Variants in DOCK4 observed in about 807,000 individuals in gnomAD.
The protein encoded by DOCK4 is dedicator of cytokinesis protein 4.
In DOCK4, 97 loss-of-function variants were observed where a neutral mutation model predicts 268.1. The ratio of observed to expected loss-of-function variants is 0.36; its 90% confidence interval spans 0.31 to 0.43. The LOEUF is 0.43. Ranked by LOEUF, DOCK4 falls within the 20% of genes least tolerant of loss-of-function variation. The pLI is 1.00. For missense variants in DOCK4, 2,145 were observed against 2,455.7 expected (o/e 0.87, Z 2.67); for synonymous variants, 954 against 887.2 (o/e 1.08, Z -1.34).
At chr7:111,939,076 G>A (rs1361290681) in intron 11 of DOCK4, among the ~76,000 whole-genome samples, 3 of 151,884 alleles carry the variant, frequency 2.0e-5, no homozygotes, top group Non-Finnish European at 2.9e-5. Flanking sequence ...GCGTCTACAA[G>A]CCATGGATCC....
chr7:111,894,514 G>A (rs1808576704), intron 16 of DOCK4, among the ~76,000 whole-genome samples: 1 of 152,162 alleles, frequency 6.6e-6, no homozygotes, highest in African/African-American at 2.4e-5. Flanking sequence ...CAACTGGCCA[G>A]CTGAGAATAT....
At chr7:111,999,199 C>G (rs1441159323) in intron 3 of DOCK4, among the ~76,000 whole-genome samples, 1 of 152,058 alleles carries the variant, frequency 6.6e-6, no homozygotes, top group Non-Finnish European at 1.5e-5. Context: ...GGCAATTATC[C>G]TCTGAAGAAT....
chr7:111,847,305 A>G (rs1236588029), intron 23 of DOCK4, among the ~76,000 whole-genome samples, 179 bp from the exon 24 acceptor site: 7 of 152,226 alleles, frequency 4.6e-5, no homozygotes, highest in Non-Finnish European at 8.8e-5. Flanking sequence ...CTAATGCACA[A>G]TTCCTACCTC....
chr7:112,194,709 T>C (rs2116825936), intron 1 of DOCK4, among the ~76,000 whole-genome samples: 1 of 152,340 alleles, frequency 6.6e-6, no homozygotes, highest in Admixed American at 6.5e-5. Context: ...AAGAAATTAC[T>C]AGAAAGTATG....
At chr7:111,919,249 G>C (rs1211139231) in intron 12 of DOCK4, among the ~76,000 whole-genome samples, 1 of 152,142 alleles carries the variant, frequency 6.6e-6, no homozygotes, top group Non-Finnish European at 1.5e-5. Flanking sequence ...GAAAATTAAA[G>C]AAGATAGGAA....
At chr7:111,732,349 C>G (rs1458932891) in intron 51 of DOCK4, 62 bp from the exon 52 acceptor site, 4 of 1,558,224 alleles carry the variant, frequency 2.6e-6, no homozygotes, top group Non-Finnish European at 3.5e-6. Context: ...ACTATCTGCA[C>G]ATGCCCTCTG....
intron 8 of DOCK4, among the ~76,000 whole-genome samples, chr7:111,955,635 C>G (rs2134925075): frequency 6.6e-6 from 1 of 152,242 alleles, no homozygotes; most frequent in South Asian, 2.1e-4. Context: ...AAACAAATAT[C>G]TCTGTTTTTA....
intron 5 of DOCK4, among the ~76,000 whole-genome samples, chr7:111,992,522 A>G (rs1046387019): frequency 3.4e-4 from 52 of 152,234 alleles, no homozygotes; most frequent in Non-Finnish European, 6.3e-4. Context: ...AAACATTTAG[A>G]TAATTTTCTC....
chr7:111,916,231 T>C (rs1303622303), intron 12 of DOCK4, among the ~76,000 whole-genome samples: 1 of 151,986 alleles, frequency 6.6e-6, no homozygotes, highest in East Asian at 1.9e-4. Context: ...ATTCCAGAAG[T>C]AGATGAAGGT....
chr7:111,874,256 C>T (rs999020508), intron 17 of DOCK4, among the ~76,000 whole-genome samples: 2 of 152,128 alleles, frequency 1.3e-5, no homozygotes, highest in Non-Finnish European at 2.9e-5. Flanking sequence ...TCTTTCCCTT[C>T]CTTTAAAGTG....
chr7:111,986,208 C>A (rs1799042117), intron 6 of DOCK4, among the ~76,000 whole-genome samples: 1 of 152,146 alleles, frequency 6.6e-6, no homozygotes, highest in Admixed American at 6.5e-5. Context: ...CAATAAGATT[C>A]CTTCCTTGAG....
intron 31 of DOCK4, among the ~76,000 whole-genome samples, chr7:111,790,095 T>A (rs1012267923): frequency 6.6e-6 from 1 of 152,112 alleles, no homozygotes; most frequent in Non-Finnish European, 1.5e-5. Context: ...ATTTGCCAAA[T>A]ACAATGTGCA....
intron 1 of DOCK4, among the ~76,000 whole-genome samples, chr7:112,165,237 T>C (rs1817484737): frequency 6.6e-6 from 1 of 152,146 alleles, no homozygotes; most frequent in Non-Finnish European, 1.5e-5. Flanking sequence ...TACTCTGCTA[T>C]CAAACACTGA....
chr7:112,025,005 CAAGTT>C (rs1289304028), intron 1 of DOCK4, among the ~76,000 whole-genome samples: 6 of 152,070 alleles, frequency 3.9e-5, no homozygotes, highest in African/African-American at 1.4e-4. Flanking sequence ...ACCAAATTCC[CAAGTT>C]AAGAAAGTTA....
chr7:111,728,779 C>G (rs192948224), intron 52 of DOCK4, 59 bp from the exon 53 acceptor site: 3 of 1,491,004 alleles, frequency 2.0e-6, no homozygotes, highest in Admixed American at 2.1e-5. Context: ...AACGCAGATG[C>G]GCTGAAATGT....
At chr7:112,020,241 G>A (rs1049204433) in intron 1 of DOCK4, among the ~76,000 whole-genome samples, 6 of 152,078 alleles carry the variant, frequency 3.9e-5, no homozygotes, top group Admixed American at 1.3e-4. Flanking sequence ...TCATACATGT[G>A]TAGAAATAAT....
At chr7:111,811,842 C>A in intron 28 of DOCK4, 32 bp downstream of exon 28, 1 of 1,271,108 alleles carries the variant, frequency 7.9e-7, no homozygotes, top group Non-Finnish European at 1.1e-6. Context: ...TCTTTTAGCC[C>A]AAGCAGGAGA....
At chr7:112,071,480 C>A (rs532547565) in intron 1 of DOCK4, among the ~76,000 whole-genome samples, 5 of 152,080 alleles carry the variant, frequency 3.3e-5, no homozygotes, top group Non-Finnish European at 7.4e-5. Flanking sequence ...GTTTAACAGA[C>A]CCTACCTGAT....
intron 36 of DOCK4, 57 bp downstream of exon 36, chr7:111,778,219 A>C: frequency 3.4e-6 from 4 of 1,186,848 alleles, no homozygotes; most frequent in South Asian, 1.3e-5. Context: ...AAGCGGAGGA[A>C]TGATCATGAT....
Sources: allele counts gnomAD v4.1 joint callset (sites outside exome capture counted in the v4.1 genomes callset), GRCh38; gene constraint gnomAD v4.1.1; transcripts MANE v1.5; gene names NCBI Gene and HGNC (gene_info 2026-07-23, HGNC 2026-07-21).